Variants in MSR1 observed in about 807,000 individuals in gnomAD.
MSR1 encodes the protein macrophage scavenger receptor 1.
A neutral mutation model predicts 47.2 loss-of-function variants in MSR1; 53 were observed. That is an observed-to-expected ratio of 1.12 (90% CI 0.90 to 1.41). The LOEUF (loss-of-function observed/expected upper bound fraction) is 1.41, where lower values mean the gene tolerates loss of function less well. Ranked by LOEUF, MSR1 falls within the 40% of genes most tolerant of loss-of-function variation. The pLI is 0.00. For missense variants in MSR1, 786 were observed against 546.9 expected (o/e 1.44, Z -4.36); for synonymous variants, 239 against 185.6 (o/e 1.29, Z -2.34).
intron 8 of MSR1, among the ~76,000 whole-genome samples, chr8:16,135,464 A>G (rs538819743): frequency 5.6e-4 from 86 of 152,236 alleles, no homozygotes; most frequent in Non-Finnish European, 1.0e-3. Flanking sequence ...TGCTGAGAAA[A>G]AAAATCCTTT....
chr8:16,169,961 T>A (rs1439783931), intron 3 of MSR1, among the ~76,000 whole-genome samples: 1 of 152,160 alleles, frequency 6.6e-6, no homozygotes, highest in East Asian at 1.9e-4. Flanking sequence ...CAAATGGGCA[T>A]ATGTTCTCTA....
At chr8:16,176,576 A>G (rs1801655008) in intron 2 of MSR1, among the ~76,000 whole-genome samples, 1 of 152,080 alleles carries the variant, frequency 6.6e-6, no homozygotes, top group East Asian at 1.9e-4. Flanking sequence ...AAAAAGAAAA[A>G]GAACCCATAA....
In MSR1 at chr8:16,176,346, A is replaced by G. The variant is rs142476390; in HGVS notation, c.104-1046T>C. ...ACATGGAGAAACCCTGGCTCTACAAAAACTACAAAAATTAGCCAGTCATGG... is the reference window on the plus strand; with the variant it reads ...ACATGGAGAAACCCTGGCTCTACAAGAACTACAAAAATTAGCCAGTCATGG... On this transcript the variant is annotated intron_variant, in intron 2 of 9. Coordinates refer to ENST00000262101, the MANE Select transcript of MSR1 (RefSeq NM_138715.3). Among the ~76,000 whole-genome samples the G allele has an allele frequency of 1.7e-3, 256 of 152,170 alleles. 2 individuals carry two copies. Among genetic ancestry groups the G allele is most frequent in the African/African-American group, 5.8e-3 (241 of 41,546 alleles).
intron 6 of MSR1, among the ~76,000 whole-genome samples, chr8:16,154,450 A>C (rs1303936979): frequency 6.6e-6 from 1 of 152,034 alleles, no homozygotes; most frequent in Non-Finnish European, 1.5e-5. Flanking sequence ...AGAGGAAAAT[A>C]ATTTGAAACA....
intron 9 of MSR1, among the ~76,000 whole-genome samples, chr8:16,118,864 C>G (rs1799935649): frequency 1.3e-5 from 2 of 152,072 alleles, no homozygotes; most frequent in South Asian, 4.1e-4. Flanking sequence ...AAGCAAAAAT[C>G]TAGCTGTTGA....
At chr8:16,167,620 T>C (rs1801351927) in intron 4 of MSR1, among the ~76,000 whole-genome samples, 1 of 152,166 alleles carries the variant, frequency 6.6e-6, no homozygotes, top group Non-Finnish European at 1.5e-5. Context: ...CAGAATCAAA[T>C]GTATCCTTCT....
intron 1 of MSR1, chr8:16,186,118 G>T (rs922969801): frequency 6.8e-6 from 10 of 1,479,158 alleles, no homozygotes; most frequent in African/African-American, 5.6e-5. Context: ...GTATAAAAAT[G>T]AAAGTCCCTG....
chr8:16,179,854 G>A (rs977194637), intron 1 of MSR1, among the ~76,000 whole-genome samples: 18 of 117,884 alleles, frequency 1.5e-4, no homozygotes, highest in African/African-American at 5.8e-4. Context: ...TCTAGCCCGG[G>A]CAAGAAGAGT....
At chr8:16,135,207 AGAG>A (rs1299277049) in intron 8 of MSR1, among the ~76,000 whole-genome samples, 1 of 152,190 alleles carries the variant, frequency 6.6e-6, no homozygotes, top group Admixed American at 6.5e-5. Context: ...TCATACTTAG[AGAG>A]GAGTTCATGC....
rs1800481510 is a variant in MSR1, at chr8:16,139,750, AAAAAAAAAAAAAAAAAAAAAAAAAAT to A, written c.1033+3782_1033+3807del. On this transcript the variant is annotated intron_variant, in intron 8 of 9. Transcript: ENST00000262101. ...AGCTCGACTACACTTCAAAACTTAA[AAAAAAAAAAAAAAAAAAAAAAAAAAT>A]ATATATATATATATATATATATATA... 4 of 124,354 alleles carry A rather than the reference AAAAAAAAAAAAAAAAAAAAAAAAAAT, an allele frequency of 3.2e-5. No individual in the cohort carries two copies. The African/African-American group carries it at 4.8e-4, about 15-fold the overall frequency. The allele number at this position is 124,354 out of a possible 1,614,324, so 7.7% of individuals were successfully genotyped here.
At chr8:16,160,716 CAAGAGA>C (rs1801136997) in intron 5 of MSR1, among the ~76,000 whole-genome samples, 1 of 151,862 alleles carries the variant, frequency 6.6e-6, no homozygotes, top group Non-Finnish European at 1.5e-5. Flanking sequence ...AAGAACCTTT[CAAGAGA>C]AAGAGAAAAT....
intron 9 of MSR1, among the ~76,000 whole-genome samples, chr8:16,116,133 C>A (rs945849446): frequency 6.6e-6 from 1 of 152,166 alleles, no homozygotes; most frequent in East Asian, 1.9e-4. Flanking sequence ...GTTTGTGTTG[C>A]TGCTAGCAGT....
intron 8 of MSR1, chr8:16,141,065 G>A: frequency 1.9e-6 from 3 of 1,611,412 alleles, no homozygotes; most frequent in South Asian, 1.1e-5. Context: ...ATATAAAGGA[G>A]GAAATTAATT....
intron 2 of MSR1, among the ~76,000 whole-genome samples, chr8:16,176,641 G>C (rs1262845043): frequency 6.6e-6 from 1 of 152,086 alleles, no homozygotes; most frequent in Admixed American, 6.5e-5. Flanking sequence ...CTGAAAAGTA[G>C]GAGTCATCTT....
rs141118306 is a variant in MSR1, at chr8:16,173,942, C to T, written c.217+1245G>A. Among the ~76,000 whole-genome samples, 111 of 152,214 alleles carry T rather than the reference C, an allele frequency of 7.3e-4. No individual in the cohort carries two copies. The East Asian group carries it at 0.02, about 27-fold the overall frequency. ...GGGATTACAGGCATGAGCCACCGTGCCCAGCTGACTTTTTTGTTTTTTTAT... is the reference window on the plus strand; with the variant it reads ...GGGATTACAGGCATGAGCCACCGTGTCCAGCTGACTTTTTTGTTTTTTTAT... On this transcript the variant is annotated intron_variant, in intron 3 of 9. Transcript: ENST00000262101.
At chr8:16,112,295 A>C (rs12675748) in intron 9 of MSR1, among the ~76,000 whole-genome samples, 15,415 of 152,194 alleles carry the variant, frequency 0.1, 990 homozygotes, top group South Asian at 0.2. Flanking sequence ...TTTTTATAAT[A>C]ACCTTGTTAA....
At position 16,123,400 on chromosome 8, in the gene MSR1, G is replaced by C. The variant is rs146873882; in HGVS notation, c.1034-2794C>G. 2.4e-4 allele frequency among the ~76,000 whole-genome samples: 37 copies of C among 152,202 alleles called. 1 individual carries two copies. Among genetic ancestry groups the C allele is most frequent in the Non-Finnish European group, 4.9e-4 (33 of 67,996 alleles). ...CATTTTGTCATCAACCTTGATCATAGGATTTTCTCTGTAAGACTGAAGGAT... is the reference window on the plus strand; with the variant it reads ...CATTTTGTCATCAACCTTGATCATACGATTTTCTCTGTAAGACTGAAGGAT... On this transcript the variant is annotated intron_variant, in intron 8 of 9. Coordinates refer to ENST00000262101, the MANE Select transcript of MSR1 (RefSeq NM_138715.3).
intron 2 of MSR1, among the ~76,000 whole-genome samples, chr8:16,176,501 T>A (rs1285624550): frequency 7.5e-6 from 1 of 133,478 alleles, no homozygotes; most frequent in Admixed American, 8.4e-5. Context: ...AGTGAGACCC[T>A]GTCTCAAAAA....
intron 8 of MSR1, among the ~76,000 whole-genome samples, chr8:16,123,833 A>G (rs1442338480): frequency 6.6e-6 from 1 of 152,178 alleles, no homozygotes; most frequent in African/African-American, 2.4e-5. Context: ...ATAGTTAGGT[A>G]TCTGCAATAG....
Sources: allele counts gnomAD v4.1 joint callset (sites outside exome capture counted in the v4.1 genomes callset), GRCh38; gene constraint gnomAD v4.1.1; transcripts MANE v1.5; gene names NCBI Gene and HGNC (gene_info 2026-07-23, HGNC 2026-07-21).